Variants in LIMS1 observed in about 807,000 individuals in gnomAD.
The protein encoded by LIMS1 is LIM zinc finger domain containing 1, also known as LIM and senescent cell antigen-like-containing domain protein 1.
A neutral mutation model predicts 44.1 loss-of-function variants in LIMS1; 18 were observed. The observed-to-expected ratio is 0.41, with a 90% confidence interval of 0.28 to 0.61. The LOEUF (loss-of-function observed/expected upper bound fraction) is 0.61, where lower values mean the gene tolerates loss of function less well. Ranked by LOEUF, LIMS1 falls within the 20% of genes least tolerant of loss-of-function variation. The probability of loss-of-function intolerance (pLI) is 0.32; values close to 1 mark genes in which losing one functional copy is unlikely to be tolerated. For synonymous variants in LIMS1, 93 were observed against 149.1 expected, an observed-to-expected ratio of 0.62 and a Z score of 2.74; for missense variants, 201 against 422.0, an observed-to-expected ratio of 0.48 and a Z score of 4.59.
intron 1 of LIMS1, among the ~76,000 whole-genome samples, chr2:108,546,718 A>G (rs1259665069): frequency 1.4e-5 from 2 of 146,752 alleles, no homozygotes; most frequent in Non-Finnish European, 1.5e-5. Context: ...AAATAGTTTT[A>G]TGTTAAATAT....
chr2:108,591,523 G>A (rs772847830), intron 1 of LIMS1, among the ~76,000 whole-genome samples: 11 of 152,220 alleles, frequency 7.2e-5, no homozygotes, highest in Non-Finnish European at 1.6e-4. Context: ...ACAGTGGCAC[G>A]ATCATGGCTC....
chr2:108,624,640 C>T (rs905876193), intron 1 of LIMS1, among the ~76,000 whole-genome samples: 2 of 152,126 alleles, frequency 1.3e-5, no homozygotes, highest in African/African-American at 4.8e-5. Flanking sequence ...GCCTGTAGTC[C>T]CAGCTACTGT....
intron 2 of LIMS1, chr2:108,662,193 C>T (rs764233208): frequency 3.6e-5 from 58 of 1,611,770 alleles, no homozygotes; most frequent in East Asian, 4.5e-5. Context: ...TCCAGCCCTC[C>T]GTCACCTTCT....
chr2:108,591,794 TTTTTTTG>T (rs1573389979), intron 1 of LIMS1, among the ~76,000 whole-genome samples: 6 of 91,808 alleles, frequency 6.5e-5, no homozygotes, highest in Admixed American at 3.7e-4. Flanking sequence ...TTTTAGTTTT[TTTTTTTG>T]TTTTTTTTTT....
At chr2:108,662,219 T>C (rs767488156) in intron 2 of LIMS1, 13 of 1,612,054 alleles carry the variant, frequency 8.1e-6, no homozygotes, top group South Asian at 4.4e-5. Context: ...CCATTTTGCC[T>C]GTGACTTAGG....
chr2:108,572,383 T>C (rs1427076759), intron 1 of LIMS1, among the ~76,000 whole-genome samples: 3 of 146,728 alleles, frequency 2.0e-5, no homozygotes, highest in Non-Finnish European at 4.5e-5. Context: ...ACTCTTGCTT[T>C]TTTTTTTTTT....
At chr2:108,644,918 A>G (rs1689959094) in intron 1 of LIMS1, among the ~76,000 whole-genome samples, 1 of 151,952 alleles carries the variant, frequency 6.6e-6, no homozygotes, top group African/African-American at 2.4e-5. Context: ...AGATCAACTC[A>G]ATGAAATAAA....
intron 1 of LIMS1, among the ~76,000 whole-genome samples, chr2:108,650,831 T>C (rs1382988757): frequency 5.9e-5 from 9 of 151,422 alleles, no homozygotes; most frequent in Non-Finnish European, 1.2e-4. Flanking sequence ...TGTATAGTCA[T>C]AGAAGCAGAG....
At chr2:108,589,328 C>G (rs1432806908) in intron 1 of LIMS1, among the ~76,000 whole-genome samples, 2 of 152,108 alleles carry the variant, frequency 1.3e-5, no homozygotes, top group African/African-American at 4.8e-5. Context: ...TCAAATATCA[C>G]TTTTTCGTGG....
At chr2:108,612,049 CACACAT>C (rs1292716258) in intron 1 of LIMS1, among the ~76,000 whole-genome samples, 26 of 92,306 alleles carry the variant, frequency 2.8e-4, no homozygotes, top group South Asian at 7.1e-4. Context: ...CACACACACA[CACACAT>C]ATATATATAT....
chr2:108,673,198 CTT>C (rs1257322280), intron 5 of LIMS1, 169 bp downstream of exon 5: 2 of 1,071,322 alleles, frequency 1.9e-6, no homozygotes, highest in Non-Finnish European at 2.6e-6. Flanking sequence ...CCTGTATACA[CTT>C]AATTTCGTTT....
At chr2:108,609,123 C>T (rs538514531) in intron 1 of LIMS1, among the ~76,000 whole-genome samples, 22 of 152,194 alleles carry the variant, frequency 1.4e-4, no homozygotes, top group East Asian at 1.9e-4. Context: ...AGGGTGGGAT[C>T]GGTGATTCGA....
intron 1 of LIMS1, chr2:108,659,199 A>C (rs1453072814): frequency 1.1e-6 from 1 of 899,560 alleles, no homozygotes; most frequent in Admixed American, 6.2e-5. Flanking sequence ...CTGTTCTCAG[A>C]AGGGAAAGAA....
chr2:108,625,576 A>AT (rs1688522854), intron 1 of LIMS1, among the ~76,000 whole-genome samples: 1 of 150,378 alleles, frequency 6.6e-6, no homozygotes, highest in Non-Finnish European at 1.5e-5. Context: ...AAGAATATGA[A>AT]TCCCCCCCCC....
intron 1 of LIMS1, among the ~76,000 whole-genome samples, chr2:108,637,985 A>G (rs1689392985): frequency 6.6e-6 from 1 of 151,634 alleles, no homozygotes; most frequent in African/African-American, 2.4e-5. Flanking sequence ...CCTCCTTAGT[A>G]GCGCCTACAG....
intron 1 of LIMS1, among the ~76,000 whole-genome samples, chr2:108,561,734 GTGTTTTTTTT>G (rs1342698099): frequency 7.0e-6 from 1 of 142,282 alleles, no homozygotes; most frequent in Non-Finnish European, 1.5e-5. Context: ...GTGATCAGCA[GTGTTTTTTTT>G]TGTTTTTTTT....
chr2:108,547,519 G>A (rs976385108), intron 1 of LIMS1, among the ~76,000 whole-genome samples: 1 of 152,140 alleles, frequency 6.6e-6, no homozygotes, highest in African/African-American at 2.4e-5. Context: ...AGCCAAGAGG[G>A]ACTGTTGGCA....
chr2:108,644,510 C>T lies in LIMS1; in HGVS notation c.33-15095C>T, dbSNP rs976606514. Among the ~76,000 whole-genome samples the T allele has an allele frequency of 3.9e-5, 6 of 152,200 alleles. No homozygotes were observed. The South Asian group carries it at 1.0e-3, about 26-fold the overall frequency. On this transcript the variant is annotated intron_variant, in intron 1 of 9. Transcript: ENST00000544547. ...TCCGAAGGTCACCAACTTCAAAGAC[C>T]AAAGGTACATAAATCCACGAAGATG...
intron 1 of LIMS1, among the ~76,000 whole-genome samples, chr2:108,617,884 C>G (rs1193688552): frequency 6.6e-6 from 1 of 152,158 alleles, no homozygotes; most frequent in Non-Finnish European, 1.5e-5. Context: ...AGTACAGATT[C>G]AAGGAGAACC....
Sources: gnomAD v4.1 joint callset for allele counts (sites outside exome capture counted in the v4.1 genomes callset) on GRCh38, gnomAD v4.1.1 for gene constraint, MANE v1.5 for transcripts, NCBI Gene and HGNC (gene_info 2026-07-23, HGNC 2026-07-21) for gene names.